The following ATP6V0D2 variants were observed in gnomAD, a reference collection of about 807,000 sequenced individuals.
The protein encoded by ATP6V0D2 is V-type proton ATPase subunit d 2.
Under a neutral mutation model 40.0 loss-of-function variants are expected in ATP6V0D2, and 40 were observed. The observed-to-expected ratio is 1.00, with a 90% CI of 0.78 to 1.30. ATP6V0D2 has a LOEUF of 1.30. Ranked by LOEUF, ATP6V0D2 falls within the 50% of genes most tolerant of loss-of-function variation. The pLI is 0.00. For missense variants in ATP6V0D2, 470 were observed against 423.1 expected, an observed-to-expected ratio of 1.11 and a Z score of -0.97; for synonymous variants, 179 against 156.3, an observed-to-expected ratio of 1.15 and a Z score of -1.08.
rs141379718 is a variant in ATP6V0D2, at chr8:86,141,523, A to C, written c.555A>C (p.Leu185=). 709 of 1,594,130 alleles carry C rather than the reference A, an allele frequency of 4.4e-4. 5 individuals carry two copies. The African/African-American group carries it at 8.3e-3, about 19-fold the overall frequency. ...ATATTGAATTGCTACGCAATAAACT[A>C]TACAAGGTAATGGTTTTCCCAAATA... The part of the protein sequence containing the change: ...ELNIELLRNK[L]YKSYLEAFYK... The change falls in exon 4 of 8, where the codon CTA becomes CTC. Residue 185 remains leucine, a synonymous_variant. Coordinates refer to ENST00000285393, the MANE Select transcript of ATP6V0D2 (RefSeq NM_152565.1).
Position 86,152,971 on chromosome 8 carries a change from T to G in ATP6V0D2, c.1047T>G (p.Ile349Met). ...CTAAAATCAACAGTTACATTCCAAT[T>G]TTATAACCCAAGTAAGGTTCTCAAA... ...HRTKINSYIP[I>M]L is the part of the protein sequence containing the mutation. The change falls in exon 8 of 8, where the codon ATT (isoleucine) becomes ATG (methionine). Residue 349 changes from isoleucine to methionine, a missense_variant. Physicochemically the swap from Ile to Met is conservative, Grantham distance 10. Transcript: ENST00000285393. 1 of 1,598,524 alleles carries G rather than the reference T, an allele frequency of 6.3e-7. No individual in the cohort carries two copies. Among genetic ancestry groups the G allele is most frequent in the Non-Finnish European group, 8.5e-7 (1 of 1,174,716 alleles).
At position 86,145,117 on chromosome 8, in the gene ATP6V0D2, G is replaced by A. The variant is rs146997579; in HGVS notation, c.639+2163G>A. ...TGGGAGGTGGAGGTTGCAGTGAGCC[G>A]AGATCGTGCCACTGCTCTCCAGCTG... On this transcript the variant is annotated intron_variant, in intron 5 of 7. Coordinates refer to ENST00000285393, the MANE Select transcript of ATP6V0D2 (RefSeq NM_152565.1). Among the ~76,000 whole-genome samples the A allele has an allele frequency of 8.1e-3, 1,220 of 150,334 alleles. 28 individuals are homozygous for A. The highest frequency in any genetic ancestry group is 0.028 in the African/African-American group (1,131 of 40,628).
At chr8:86,128,208 G>A (rs570147031) in intron 2 of ATP6V0D2, among the ~76,000 whole-genome samples, 1 of 152,136 alleles carries the variant, frequency 6.6e-6, no homozygotes, top group Non-Finnish European at 1.5e-5. Context: ...AATTAGCCGG[G>A]CATGGTGGTG....
At chr8:86,115,931 C>T (rs1329927803) in intron 2 of ATP6V0D2, among the ~76,000 whole-genome samples, 1 of 152,066 alleles carries the variant, frequency 6.6e-6, no homozygotes, top group Non-Finnish European at 1.5e-5. Flanking sequence ...CATTCCTAGG[C>T]CTTTGGCACA....
At chr8:86,127,207 C>T (rs574894300) in intron 2 of ATP6V0D2, among the ~76,000 whole-genome samples, 9 of 152,206 alleles carry the variant, frequency 5.9e-5, no homozygotes, top group South Asian at 2.1e-4. Flanking sequence ...GGAAATCACG[C>T]GATATGACAG....
intron 1 of ATP6V0D2, among the ~76,000 whole-genome samples, chr8:86,099,553 G>C (rs564451284): frequency 6.6e-6 from 1 of 152,274 alleles, no homozygotes; most frequent in Non-Finnish European, 1.5e-5. Flanking sequence ...AAGTATAGTG[G>C]CGTGATCTTG....
At chr8:86,113,574 T>C (rs1475597552) in intron 1 of ATP6V0D2, 135 bp from the exon 2 acceptor site, 1 of 716,014 alleles carries the variant, frequency 1.4e-6, no homozygotes, top group African/African-American at 1.8e-5. Flanking sequence ...AAATCATATT[T>C]AGACCTTATA....
intron 2 of ATP6V0D2, among the ~76,000 whole-genome samples, chr8:86,118,746 C>T (rs1818628964): frequency 6.6e-6 from 1 of 151,652 alleles, no homozygotes; most frequent in African/African-American, 2.4e-5. Context: ...AATCAATATA[C>T]TAGACAACAT....
Position 86,152,975 on chromosome 8 carries a change from T to C in ATP6V0D2, c.1051T>C (p.Ter351GlnextTer3). 3 of 1,592,326 alleles carry C rather than the reference T, an allele frequency of 1.9e-6. No individual in the cohort carries two copies. Among genetic ancestry groups the C allele is most frequent in the South Asian group, 2.3e-5 (2 of 86,054 alleles). ...AATCAACAGTTACATTCCAATTTTATAACCCAAGTAAGGTTCTCAAATGTA... is the reference window on the plus strand; with the variant it reads ...AATCAACAGTTACATTCCAATTTTACAACCCAAGTAAGGTTCTCAAATGTA... ...TKINSYIPIL* is the reference protein window; with the variant it reads ...TKINSYIPILQ The change falls in exon 8 of 8, where the codon TAA (stop) becomes CAA (glutamine). Residue 351 changes from the stop codon to glutamine, a stop_lost. Transcript: ENST00000285393.
intron 5 of ATP6V0D2, among the ~76,000 whole-genome samples, chr8:86,148,519 A>C (rs1246889544): frequency 1.3e-5 from 2 of 152,176 alleles, no homozygotes; most frequent in Non-Finnish European, 2.9e-5. Context: ...AATTCTTTTC[A>C]GCTTTCACGT....
chr8:86,143,873 C>G (rs1225047003), intron 5 of ATP6V0D2, among the ~76,000 whole-genome samples: 5 of 152,098 alleles, frequency 3.3e-5, no homozygotes, highest in Admixed American at 3.3e-4. Context: ...CCCAAATTCC[C>G]TCTGGTGAGG....
chr8:86,105,144 T>A (rs1413913637), intron 1 of ATP6V0D2, among the ~76,000 whole-genome samples: 1 of 152,130 alleles, frequency 6.6e-6, no homozygotes, highest in Non-Finnish European at 1.5e-5. Context: ...TACCTTGTAA[T>A]GAACCTAATC....
intron 2 of ATP6V0D2, among the ~76,000 whole-genome samples, chr8:86,125,754 A>G (rs1034982454): frequency 1.3e-5 from 2 of 152,084 alleles, no homozygotes; most frequent in Non-Finnish European, 2.9e-5. Context: ...GTTTATATTT[A>G]AACACAAATA....
chr8:86,112,646 C>T (rs1818539777), intron 1 of ATP6V0D2, among the ~76,000 whole-genome samples: 1 of 151,036 alleles, frequency 6.6e-6, no homozygotes, highest in Non-Finnish European at 1.5e-5. Context: ...TATAATAAGC[C>T]AATCTGAAAA....
intron 2 of ATP6V0D2, 67 bp from the exon 3 acceptor site, chr8:86,139,390 T>A: frequency 1.4e-6 from 2 of 1,390,624 alleles, no homozygotes; most frequent in Non-Finnish European, 2.0e-6. Context: ...TGTGTGTTTT[T>A]TACTTGTGGG....
chr8:86,149,052 G>GAAAAAAAA lies in ATP6V0D2; in HGVS notation c.640-1058_640-1057insAAAAAAAA, dbSNP rs1166858589. Among the ~76,000 whole-genome samples, 16 of 69,006 alleles carry GAAAAAAAA rather than the reference G, an allele frequency of 2.3e-4. 3 individuals carry two copies. Among genetic ancestry groups the GAAAAAAAA allele is most frequent in the South Asian group, 1.3e-3 (2 of 1,580 alleles). The allele number at this position is 69,006 out of a possible 152,430, so 45.3% of individuals were successfully genotyped here. On this transcript the variant is annotated intron_variant, in intron 5 of 7. Coordinates refer to ENST00000285393, the MANE Select transcript of ATP6V0D2 (RefSeq NM_152565.1). ...ACAGAGTGAGACCCAATCTCCAAAG[G>GAAAAAAAA]AAGAAAAAAAAAAAAAAAAAAAACC...
At position 86,150,240 on chromosome 8, in the gene ATP6V0D2, T is replaced by G; in HGVS notation, c.768T>G (p.Ala256=). 6.2e-7 allele frequency: 1 copy of G among 1,613,250 alleles called. No individual in the cohort carries two copies. Among genetic ancestry groups the G allele is most frequent in the Non-Finnish European group, 8.5e-7 (1 of 1,179,852 alleles). ...KLYPEGLRLL[A]QAEDFDQMKN... Reference sequence around the variant, plus strand: ...ATCCTGAGGGGTTGCGGCTGTTGGCTCAAGCAGAAGACTTTGACCAGATGA... The same window carrying G: ...ATCCTGAGGGGTTGCGGCTGTTGGCGCAAGCAGAAGACTTTGACCAGATGA... Residue 256 remains alanine (A), a synonymous_variant, in exon 6 of 8, where the codon GCT becomes GCG. Coordinates refer to ENST00000285393, the MANE Select transcript of ATP6V0D2 (RefSeq NM_152565.1).
chr8:86,138,957 A>G (rs2626333), intron 2 of ATP6V0D2, among the ~76,000 whole-genome samples: 65,637 of 152,126 alleles, frequency 0.43, 15,963 homozygotes, highest in Middle Eastern at 0.6. Context: ...TGCAGGCACC[A>G]TGGCTCATGC....
In ATP6V0D2 at chr8:86,152,872, A is replaced by G. The variant is rs761951622; in HGVS notation, c.948A>G (p.Ala316=). 4 of 1,612,756 alleles carry G rather than the reference A, an allele frequency of 2.5e-6. No individual in the cohort carries two copies. Among genetic ancestry groups the G allele is most frequent in the Admixed American group, 1.7e-5 (1 of 59,746 alleles). The change falls in exon 8 of 8, where the codon GCA becomes GCG. Residue 316 remains alanine (A), a synonymous_variant. Transcript: ENST00000285393. ...NRQFHYGVFY[A]YVKLKEQEIR... ...AGTTCCACTACGGTGTGTTTTATGC[A>G]TATGTAAAGCTGAAGGAACAGGAAA...
Sources: allele counts gnomAD v4.1 joint callset (sites outside exome capture counted in the v4.1 genomes callset), GRCh38; gene constraint gnomAD v4.1.1; transcripts MANE v1.5; gene names NCBI Gene and HGNC (gene_info 2026-07-23, HGNC 2026-07-21).